Variants in PCDHGB4 observed in about 807,000 individuals in gnomAD.
PCDHGB4 encodes protocadherin gamma-B4.
A neutral mutation model predicts 60.5 loss-of-function variants in PCDHGB4; 38 were observed. The observed-to-expected ratio is 0.63, with a 90% CI of 0.48 to 0.82. The LOEUF is 0.82. PCDHGB4 is among the 40% of genes least tolerant of loss of function. The pLI is 0.00. For missense variants in PCDHGB4, 1,109 were observed against 1,209.6 expected, an observed-to-expected ratio of 0.92 and a Z score of 1.23; for synonymous variants, 456 against 509.7, an observed-to-expected ratio of 0.89 and a Z score of 1.42.
At chr5:141,504,528 C>T (rs750099460) in intron 2 of PCDHGB4, among the ~76,000 whole-genome samples, 2 of 151,854 alleles carry the variant, frequency 1.3e-5, no homozygotes, top group Non-Finnish European at 2.9e-5. Flanking sequence ...ATATTTTATT[C>T]GTGTCATCAT....
intron 1 of PCDHGB4, chr5:141,395,200 A>G: frequency 6.2e-7 from 1 of 1,613,768 alleles, no homozygotes; most frequent in Non-Finnish European, 8.5e-7. Flanking sequence ...ACATCCGTAG[A>G]TTTTCATGAA....
intron 1 of PCDHGB4, chr5:141,393,206 A>C (rs774279389): frequency 1.2e-6 from 2 of 1,613,470 alleles, no homozygotes; most frequent in African/African-American, 1.3e-5. Context: ...ATAATAACCC[A>C]AAATTCCAGG....
At chr5:141,483,955 G>A (rs1244162791) in intron 1 of PCDHGB4, among the ~76,000 whole-genome samples, 1 of 144,218 alleles carries the variant, frequency 6.9e-6, no homozygotes, top group African/African-American at 2.6e-5. Flanking sequence ...ATTGTGTTGT[G>A]TTTCTGTGCT....
chr5:141,501,947 T>A (rs2099811963), intron 2 of PCDHGB4, among the ~76,000 whole-genome samples: 1 of 152,152 alleles, frequency 6.6e-6, no homozygotes, highest in Non-Finnish European at 1.5e-5. Context: ...CTGCTCCCTG[T>A]GACAGGTCAT....
intron 1 of PCDHGB4, chr5:141,410,721 A>G (rs2154543206): frequency 1.5e-5 from 21 of 1,395,496 alleles, no homozygotes; most frequent in Non-Finnish European, 2.0e-5. Context: ...ATATGTTTAA[A>G]ATCCATAGCT....
intron 1 of PCDHGB4, among the ~76,000 whole-genome samples, chr5:141,472,274 G>A (rs1170341842): frequency 6.6e-6 from 1 of 152,176 alleles, no homozygotes; most frequent in Admixed American, 6.5e-5. Flanking sequence ...GGGCACAGTG[G>A]CTCACACCTG....
At chr5:141,404,661 A>G (rs930319561) in intron 1 of PCDHGB4, 1 of 1,614,098 alleles carries the variant, frequency 6.2e-7, no homozygotes. Context: ...CTCCCCACTG[A>G]TGGTTCTACT....
chr5:141,511,695 C>T lies in PCDHGB4; in HGVS notation c.*522C>T, dbSNP rs1009832192. 1 of 195,662 alleles carries T rather than the reference C, an allele frequency of 5.1e-6. No individual in the cohort carries two copies. Among genetic ancestry groups the T allele is most frequent in the Non-Finnish European group, 1.1e-5 (1 of 92,626 alleles). The allele number at this position is 195,662 out of a possible 1,614,324, so 12.1% of individuals were successfully genotyped here. On this transcript the variant is annotated 3_prime_UTR_variant, in exon 4 of 4. Coordinates refer to ENST00000519479, the MANE Select transcript of PCDHGB4 (RefSeq NM_003736.4). ...CTTCCCCCAAAGCATGGTTTGGTGC[C>T]AGCCCCTTCACCTCCTTCCAGAGCC...
At chr5:141,407,889 G>T (rs1378600394) in intron 1 of PCDHGB4, 1 of 389,100 alleles carries the variant, frequency 2.6e-6, no homozygotes, top group Non-Finnish European at 4.6e-6. Context: ...TTCGGAGACC[G>T]AATTCAAAAT....
At chr5:141,446,093 GA>G (rs1217618203) in intron 1 of PCDHGB4, among the ~76,000 whole-genome samples, 1 of 152,118 alleles carries the variant, frequency 6.6e-6, no homozygotes, top group Admixed American at 6.5e-5. Flanking sequence ...ATAAATGGAT[GA>G]ATTATAGATA....
chr5:141,411,193 AAAAC>A (rs1267742802), intron 1 of PCDHGB4: 2 of 152,212 alleles, frequency 1.3e-5, no homozygotes, highest in African/African-American at 4.8e-5. Flanking sequence ...GGCATCTAAG[AAAAC>A]AAACAAGTAA....
chr5:141,489,254 C>T lies in PCDHGB4; in HGVS notation c.2398-5553C>T, dbSNP rs2099684538. 2 of 1,548,628 alleles carry T rather than the reference C, an allele frequency of 1.3e-6. No homozygotes were observed. Among genetic ancestry groups the T allele is most frequent in the African/African-American group, 1.4e-5 (1 of 73,008 alleles). ...GACTTCTGGGTCATGGGGCCCAAGA[C>T]ACTCCCACAGCTCGCTGGGAAATGG... is the stretch of plus-strand genomic sequence containing the variant. On this transcript the variant is annotated intron_variant, in intron 1 of 3. Transcript: ENST00000519479. This position sits in a 1 kb window ranked among gnomAD's most constrained non-coding sequence, Gnocchi z 4.5.
At chr5:141,499,835 C>T (rs931946377) in intron 2 of PCDHGB4, among the ~76,000 whole-genome samples, 2 of 151,916 alleles carry the variant, frequency 1.3e-5, no homozygotes, top group Admixed American at 6.6e-5. Flanking sequence ...TACAGGTGTG[C>T]ACCACCACAC....
rs760367783 is a variant in PCDHGB4 at position 141,394,819 on chromosome 5, C to T, written c.2397+4538C>T. The T allele has an allele frequency of 2.5e-6, 4 of 1,613,890 alleles. No individual in the cohort carries two copies. In the South Asian group the frequency reaches 4.4e-5, roughly 18 times the overall value. On this transcript the variant is annotated intron_variant, in intron 1 of 3. Transcript: ENST00000519479. ...ACCGTAGCCGTGGCTGACAGCATCCCCGAAGTCCTGACCGAGTTGGGCAGT... is the reference window on the plus strand; with the variant it reads ...ACCGTAGCCGTGGCTGACAGCATCCTCGAAGTCCTGACCGAGTTGGGCAGT...
At position 141,512,967 on chromosome 5, in the gene PCDHGB4, T is replaced by C. The variant is rs2099884538; in HGVS notation, c.*1794T>C. ...CGACAAAAAAATAATAAAACGTTTC[T>C]TCTGAAAAGCTGAACGTTTCTGTAT... On this transcript the variant is annotated 3_prime_UTR_variant, in exon 4 of 4. Transcript: ENST00000519479. The C allele has an allele frequency of 6.6e-6, 1 of 152,260 alleles. No individual in the cohort carries two copies. Among genetic ancestry groups the C allele is most frequent in the South Asian group, 2.1e-4 (1 of 4,832 alleles). The allele number at this position is 152,260 out of a possible 1,614,324, so 9.4% of individuals were successfully genotyped here.
intron 1 of PCDHGB4, chr5:141,475,986 G>T: frequency 2.8e-6 from 3 of 1,089,866 alleles, no homozygotes; most frequent in Non-Finnish European, 3.9e-6. Context: ...CAGCCGGCGA[G>T]CAAATCAACG....
At chr5:141,399,376 A>T in intron 1 of PCDHGB4, 1 of 1,613,956 alleles carries the variant, frequency 6.2e-7, no homozygotes, top group Non-Finnish European at 8.5e-7. Context: ...GTACAATGTC[A>T]CCATCACAGC....
intron 1 of PCDHGB4, chr5:141,478,545 A>T: frequency 6.2e-7 from 1 of 1,605,606 alleles, no homozygotes; most frequent in Admixed American, 1.7e-5. Context: ...CCTCCCGGAC[A>T]GGTAAGGTTT....
At chr5:141,393,194 C>A in intron 1 of PCDHGB4, 2 of 1,613,362 alleles carry the variant, frequency 1.2e-6, no homozygotes, top group Non-Finnish European at 1.7e-6. Context: ...TTGATATTAA[C>A]GATAATAACC....
Sources: allele counts gnomAD v4.1 joint callset (sites outside exome capture counted in the v4.1 genomes callset), GRCh38; gene constraint gnomAD v4.1.1; non-coding constraint Gnocchi (gnomAD v3.1); transcripts MANE v1.5; gene names NCBI Gene and HGNC (gene_info 2026-07-23, HGNC 2026-07-21).